Variants in FGFR1 observed in about 807,000 individuals in gnomAD.
FGFR1 encodes the protein fibroblast growth factor receptor 1.
In FGFR1, 18 loss-of-function variants were observed where a neutral mutation model predicts 93.7. The observed-to-expected ratio is 0.19, with a 90% CI of 0.13 to 0.28. The LOEUF (loss-of-function observed/expected upper bound fraction) is 0.28, where lower values mean the gene tolerates loss of function less well. FGFR1 is among the 10% of genes least tolerant of loss of function. The probability of loss-of-function intolerance (pLI) is 1.00; values close to 1 mark genes in which losing one functional copy is unlikely to be tolerated. For synonymous variants in FGFR1, 448 were observed against 429.3 expected, an observed-to-expected ratio of 1.04 and a Z score of -0.54; for missense variants, 731 against 1,080.4, an observed-to-expected ratio of 0.68 and a Z score of 4.53.
Position 38,429,226 on chromosome 8 carries a change from C to A in FGFR1, c.358+456G>T. The A allele has an allele frequency of 2.2e-6, 1 of 463,610 alleles. No homozygotes were observed. The highest frequency in any genetic ancestry group is 4.3e-6 in the Non-Finnish European group (1 of 231,672). 28.7% of individuals were successfully genotyped at this position (463,610 alleles called of 1,614,324 possible). A position where few individuals can be genotyped will look rare whatever the true frequency, so the allele number is the denominator to read the frequency against. ...CTCCAGGGCTCCCTGGCTGCCCTCG[C>A]ACAGCTCCCTTGCGGTGCACCTGGG... On this transcript the variant is annotated intron_variant, in intron 3 of 17. Coordinates refer to ENST00000447712, the MANE Select transcript of FGFR1 (RefSeq NM_023110.3). This position sits in a 1 kb window ranked among gnomAD's most constrained non-coding sequence, Gnocchi z 4.4.
At chr8:38,439,060 T>C (rs750901988) in intron 2 of FGFR1, among the ~76,000 whole-genome samples, 14 of 152,166 alleles carry the variant, frequency 9.2e-5, no homozygotes, top group Non-Finnish European at 1.5e-4. Flanking sequence ...CCAGTAACAA[T>C]GCCCTGTTTT....
intron 2 of FGFR1, among the ~76,000 whole-genome samples, chr8:38,446,006 A>C (rs2151185550): frequency 6.6e-6 from 1 of 152,184 alleles, no homozygotes; most frequent in East Asian, 1.9e-4. Flanking sequence ...CCAGAGGAGG[A>C]GAAGGACACT....
rs1316060000 is a variant in FGFR1 at position 38,428,062 on chromosome 8, C to T, written c.480G>A (p.Lys160=). ...GCACTGCATGCAATTTCTTTTCCATCTTTTCTGGGGATGTCCAATATGGAG... is the reference window on the plus strand; with the variant it reads ...GCACTGCATGCAATTTCTTTTCCATTTTTTCTGGGGATGTCCAATATGGAG... ...PVAPYWTSPE[K]MEKKLHAVPA... The change falls in exon 5 of 18, where the codon AAG becomes AAA. Residue 160 remains lysine, a synonymous_variant. Transcript: ENST00000447712. 6.2e-7 allele frequency: 1 copy of T among 1,614,250 alleles called. No individual in the cohort carries two copies. The highest frequency in any genetic ancestry group is 1.1e-5 in the South Asian group (1 of 91,090).
intron 2 of FGFR1, among the ~76,000 whole-genome samples, chr8:38,439,520 G>A (rs968820631): frequency 5.9e-5 from 9 of 152,048 alleles, no homozygotes; most frequent in African/African-American, 1.9e-4. Flanking sequence ...GACTGCACAG[G>A]GCTCACAAGG....
chr8:38,413,980 T>G lies in FGFR1; in HGVS notation c.2230A>C (p.Arg744=). 1 of 1,614,092 alleles carries G rather than the reference T, an allele frequency of 6.2e-7. No individual in the cohort carries two copies. Residue 744 remains arginine (R), a synonymous_variant, in exon 17 of 18, where the codon AGA becomes CGA. Coordinates refer to ENST00000447712, the MANE Select transcript of FGFR1 (RefSeq NM_023110.3). This position sits in a 1 kb window ranked among gnomAD's most constrained non-coding sequence, Gnocchi z 4.2. ...TCCACCAGCTGCTTGAAGGTGGGTC[T>G]CTGTGAGGGCACTGCATGCCAGCAG... ...RDCWHAVPSQ[R]PTFKQLVEDL...
chr8:38,440,228 C>A, intron 2 of FGFR1: 1 of 1,272,578 alleles, frequency 7.9e-7, no homozygotes, highest in African/African-American at 1.5e-5. Context: ...CACAGAACAG[C>A]GCAGCGGGGC....
intron 1 of FGFR1, chr8:38,461,369 CTGTCACCCAAGCTAGAG>C (rs1389806677): frequency 3.9e-6 from 2 of 512,622 alleles, no homozygotes; most frequent in Admixed American, 6.9e-5. Flanking sequence ...GAGTGTTGCT[CTGTCACCCAAGCTAGAG>C]TGCAGTGGCA....
At position 38,457,479 on chromosome 8, in the gene FGFR1, C is replaced by T. The variant is rs1335372530; in HGVS notation, c.-33G>A. ...CTGCAGTTAGAGGTTGGTGACAAGG[C>T]TCCACATCTCCATGGATACTCCACA... is the stretch of plus-strand genomic sequence containing the variant. On this transcript the variant is annotated 5_prime_UTR_variant, in exon 2 of 18. Coordinates refer to ENST00000447712, the MANE Select transcript of FGFR1 (RefSeq NM_023110.3). 20 of 1,613,224 alleles carry T rather than the reference C, an allele frequency of 1.2e-5. No individual in the cohort carries two copies. Among genetic ancestry groups the T allele is most frequent in the Non-Finnish European group, 1.7e-5 (20 of 1,179,798 alleles).
chr8:38,444,839 C>T (rs145660041), intron 2 of FGFR1, among the ~76,000 whole-genome samples: 101 of 152,238 alleles, frequency 6.6e-4, no homozygotes, highest in African/African-American at 2.4e-3. Flanking sequence ...TCAGTATTCC[C>T]CATGTCCTAC....
chr8:38,418,282 C>A lies in FGFR1; in HGVS notation c.1376G>T (p.Gly459Val). 6.2e-7 allele frequency: 1 copy of A among 1,614,202 alleles called. No individual in the cohort carries two copies. Reference protein sequence around the residue: ...LSSSGTPMLAGVSEYELPEDP... With the variant: ...LSSSGTPMLAVVSEYELPEDP... ...TTCGGGAAGCTCATACTCAGAGACC[C>A]CTGCTAGCATGGGAGTCCCACTGGA... Residue 459 changes from glycine to valine, a missense_variant, in exon 10 of 18, where the codon GGG becomes GTG. Around this residue, in one of 10 missense-constraint regions of FGFR1, gnomAD observed 146 missense variants for 173.0 expected, o/e 0.84. Transcript: ENST00000447712.
intron 1 of FGFR1, among the ~76,000 whole-genome samples, chr8:38,462,764 C>T (rs566037753): frequency 5.9e-5 from 9 of 151,844 alleles, no homozygotes; most frequent in South Asian, 4.2e-4. Context: ...CCACCAAGCC[C>T]GGCTAATTTT....
Position 38,427,906 on chromosome 8 carries a change from T to G in FGFR1, c.621+15A>C, listed in dbSNP as rs1279909831. ...TGTTCCCATTACTCTAACTTTCGCA[T>G]GCACACACACGTACCTTGTAGCCTC... On this transcript the variant is annotated intron_variant, in intron 5 of 17. Transcript: ENST00000447712. 2 of 1,614,256 alleles carry G rather than the reference T, an allele frequency of 1.2e-6. No individual in the cohort carries two copies. Among genetic ancestry groups the G allele is most frequent in the Non-Finnish European group, 1.7e-6 (2 of 1,180,026 alleles).
chr8:38,439,506 T>G (rs1210206025), intron 2 of FGFR1, among the ~76,000 whole-genome samples: 4 of 151,976 alleles, frequency 2.6e-5, no homozygotes, highest in Non-Finnish European at 5.9e-5. Context: ...GGCCACATCC[T>G]CAGGACTGCA....
chr8:38,432,269 A>G (rs1823424182), intron 2 of FGFR1, among the ~76,000 whole-genome samples: 1 of 152,190 alleles, frequency 6.6e-6, no homozygotes, highest in East Asian at 1.9e-4. Flanking sequence ...ACGTGCAAAC[A>G]AAACTCCACT....
chr8:38,439,887 G>C (rs1321319249), intron 2 of FGFR1, among the ~76,000 whole-genome samples: 1 of 151,998 alleles, frequency 6.6e-6, no homozygotes, highest in East Asian at 1.9e-4. Context: ...ATGTTGCTGG[G>C]GTGCTGGGCT....
At chr8:38,461,226 G>T in intron 1 of FGFR1, 2 of 1,201,628 alleles carry the variant, frequency 1.7e-6, no homozygotes, top group Admixed American at 2.1e-5. Flanking sequence ...GGGGCTGGAC[G>T]GACCACGTGA....
chr8:38,458,133 G>A (rs1385479298), intron 1 of FGFR1, among the ~76,000 whole-genome samples: 12 of 152,198 alleles, frequency 7.9e-5, no homozygotes, highest in Non-Finnish European at 1.8e-4. Context: ...GCTACAAAGT[G>A]AATGGTCTCA....
At position 38,439,920 on chromosome 8, in the gene FGFR1, T is replaced by C. The variant is rs560138066; in HGVS notation, c.92-9972A>G. On this transcript the variant is annotated intron_variant, in intron 2 of 17. Coordinates refer to ENST00000447712, the MANE Select transcript of FGFR1 (RefSeq NM_023110.3). ...GCTGACAGTAGGTATTTGTATTACCTACTCTACGTTCTACACTCCAAAGGG... is the reference window on the plus strand; with the variant it reads ...GCTGACAGTAGGTATTTGTATTACCCACTCTACGTTCTACACTCCAAAGGG... Among the ~76,000 whole-genome samples the C allele has an allele frequency of 9.2e-5, 14 of 152,256 alleles. No homozygotes were observed. The South Asian group carries it at 2.7e-3, about 29-fold the overall frequency.
Position 38,411,494 on chromosome 8 carries a change from CAGAG to C in FGFR1, c.*2130_*2133del, listed in dbSNP as rs1814405591. ...TTGTAATGTTAGCAGGTGCTATTTA[CAGAG>C]AGAAACAAAGAGAATTTTACAATAG... is the stretch of plus-strand genomic sequence containing the variant. On this transcript the variant is annotated 3_prime_UTR_variant, in exon 18 of 18. Coordinates refer to ENST00000447712, the MANE Select transcript of FGFR1 (RefSeq NM_023110.3). 2 of 227,972 alleles carry C rather than the reference CAGAG, an allele frequency of 8.8e-6. No individual in the cohort carries two copies. The highest frequency in any genetic ancestry group is 2.2e-5 in the African/African-American group (1 of 45,136). 14.1% of individuals were successfully genotyped at this position (227,972 alleles called of 1,614,324 possible).
Sources: allele counts gnomAD v4.1 joint callset (sites outside exome capture counted in the v4.1 genomes callset), GRCh38; gene constraint gnomAD v4.1.1; regional missense constraint gnomAD v4.1.1; non-coding constraint Gnocchi (gnomAD v3.1); transcripts MANE v1.5; gene names NCBI Gene and HGNC (gene_info 2026-07-23, HGNC 2026-07-21).